Variants in VPS8 observed in about 807,000 individuals in gnomAD.
VPS8 encodes the protein vacuolar protein sorting-associated protein 8 homolog.
A neutral mutation model predicts 216.4 loss-of-function variants in VPS8; 129 were observed. That is an observed-to-expected ratio of 0.60 (90% CI 0.52 to 0.69). The LOEUF is 0.69. VPS8 is among the 30% of genes least tolerant of loss of function. VPS8 has a pLI of 0.00. For missense variants in VPS8, 1,531 were observed against 1,683.5 expected (o/e 0.91, Z 1.59); for synonymous variants, 571 against 565.4 (o/e 1.01, Z -0.14).
chr3:185,001,490 G>A (rs1373075799), intron 45 of VPS8, among the ~76,000 whole-genome samples: 1 of 152,178 alleles, frequency 6.6e-6, no homozygotes, highest in African/African-American at 2.4e-5. Flanking sequence ...TGGGGAGGGG[G>A]ATGAGGAGTG....
At position 184,957,533 on chromosome 3, in the gene VPS8, A is replaced by T. The variant is rs762450827; in HGVS notation, c.3183+12A>T. On this transcript the variant is annotated intron_variant, in intron 37 of 47. Coordinates refer to ENST00000625842, the MANE Select transcript of VPS8 (RefSeq NM_001009921.3). The stretch of plus-strand genomic sequence containing the variant: ...AAGAAACTATTCAGGTGAGACGAAC[A>T]ATGTAAAAGAGACAAGAGTAAACTC... The T allele has an allele frequency of 1.2e-6, 2 of 1,602,198 alleles. No individual in the cohort carries two copies. Among genetic ancestry groups the T allele is most frequent in the Non-Finnish European group, 1.7e-6 (2 of 1,174,936 alleles).
intron 46 of VPS8, among the ~76,000 whole-genome samples, chr3:185,046,644 G>A (rs543171727): frequency 2.0e-5 from 3 of 152,128 alleles, no homozygotes; most frequent in Admixed American, 6.5e-5. Flanking sequence ...CAACACAATC[G>A]CAGTAATTAC....
intron 33 of VPS8, 107 bp downstream of exon 33, chr3:184,929,771 C>G: frequency 6.7e-6 from 4 of 595,454 alleles, no homozygotes; most frequent in Non-Finnish European, 8.2e-6. Flanking sequence ...GAGCCAAATA[C>G]ACATTGATAA....
intron 31 of VPS8, among the ~76,000 whole-genome samples, chr3:184,927,129 TA>T (rs1739807826): frequency 6.6e-6 from 1 of 152,190 alleles, no homozygotes. Flanking sequence ...CATGAGATAG[TA>T]ACTGTTTGAG....
At chr3:185,044,897 G>C (rs1036285404) in intron 46 of VPS8, among the ~76,000 whole-genome samples, 16 of 152,182 alleles carry the variant, frequency 1.1e-4, no homozygotes, top group Non-Finnish European at 4.4e-5. Flanking sequence ...ACTGTGTTGT[G>C]GATGGGAATT....
chr3:184,896,397 C>T (rs1578133368), intron 23 of VPS8, among the ~76,000 whole-genome samples: 1 of 152,144 alleles, frequency 6.6e-6, no homozygotes, highest in East Asian at 1.9e-4. Flanking sequence ...CAAAATGCTC[C>T]CCTCAGTTTC....
intron 30 of VPS8, 103 bp downstream of exon 30, chr3:184,925,084 CT>C: frequency 7.0e-7 from 1 of 1,438,616 alleles, no homozygotes. Flanking sequence ...GGGTAAATAC[CT>C]TATCAAGGAG....
At chr3:184,999,442 C>T (rs543796605) in intron 44 of VPS8, among the ~76,000 whole-genome samples, 1 of 152,284 alleles carries the variant, frequency 6.6e-6, no homozygotes, top group East Asian at 1.9e-4. Context: ...AACTCATCCT[C>T]TAGGTAGTTT....
At chr3:184,917,912 A>C (rs1238165369) in intron 28 of VPS8, among the ~76,000 whole-genome samples, 2 of 152,186 alleles carry the variant, frequency 1.3e-5, no homozygotes, top group African/African-American at 4.8e-5. Flanking sequence ...GTCCAAGATC[A>C]AGGTGCTGGC....
At chr3:185,045,370 G>A (rs761543939) in intron 46 of VPS8, among the ~76,000 whole-genome samples, 3 of 152,176 alleles carry the variant, frequency 2.0e-5, no homozygotes, top group Non-Finnish European at 4.4e-5. Flanking sequence ...GGAAGGCTTC[G>A]TGTCCAGTAT....
Position 184,923,226 on chromosome 3 carries a change from C to G in VPS8, c.2455-1636C>G, listed in dbSNP as rs192043648. 2.0e-5 allele frequency among the ~76,000 whole-genome samples: 3 copies of G among 152,146 alleles called. No homozygotes were observed. In the East Asian group the frequency reaches 5.8e-4, roughly 29 times the overall value. On this transcript the variant is annotated intron_variant, in intron 29 of 47. Coordinates refer to ENST00000625842, the MANE Select transcript of VPS8 (RefSeq NM_001009921.3). ...TACCCTGATTTGTTGTAGAGTTGCC[C>G]CCATGAATTCAGCTCGCCCAAAACA...
At chr3:184,961,262 CA>C (rs1746455300) in intron 37 of VPS8, among the ~76,000 whole-genome samples, 3 of 152,050 alleles carry the variant, frequency 2.0e-5, no homozygotes, top group African/African-American at 7.2e-5. Flanking sequence ...GTATGTTTCC[CA>C]TTTAACATTT....
At chr3:185,008,562 G>A (rs1345436062) in intron 45 of VPS8, among the ~76,000 whole-genome samples, 1 of 152,182 alleles carries the variant, frequency 6.6e-6, no homozygotes, top group Admixed American at 6.5e-5. Flanking sequence ...AATAACATGA[G>A]GGAAACGTAC....
At chr3:184,995,835 G>A (rs1322014837) in intron 43 of VPS8, among the ~76,000 whole-genome samples, 2 of 152,278 alleles carry the variant, frequency 1.3e-5, no homozygotes, top group Non-Finnish European at 2.9e-5. Flanking sequence ...TCTGCCCAAG[G>A]AAGATGAAAA....
chr3:185,048,517 A>G lies in VPS8; in HGVS notation c.4095A>G (p.Gln1365=), dbSNP rs1371548704. ...CTGTTCTGGATCCACAGCAAATCCA[A>G]GCATTTGATCAGCTTTGCCGTCTCT... is the stretch of plus-strand genomic sequence containing the variant. The part of the protein sequence containing the change: ...SEPVLDPQQI[Q]AFDQLCRLYR... The change falls in exon 47 of 48, where the codon CAA becomes CAG. Residue 1365 remains glutamine, a synonymous_variant. Transcript: ENST00000625842. 1.2e-6 allele frequency: 2 copies of G among 1,614,038 alleles called. No homozygotes were observed.
intron 25 of VPS8, among the ~76,000 whole-genome samples, chr3:184,904,207 A>G (rs531921537): frequency 6.6e-6 from 1 of 152,190 alleles, no homozygotes; most frequent in Non-Finnish European, 1.5e-5. Flanking sequence ...TTTCTAATAT[A>G]GATGCCTTTC....
rs1222447524 is a variant in VPS8 at position 184,987,268 on chromosome 3, C to T, written c.3585+4174C>T. The stretch of plus-strand genomic sequence containing the variant: ...GGCTGGGATTACAGGCATACACCAC[C>T]GTGCCCAGCTAATTTTTGTATTTTT... On this transcript the variant is annotated intron_variant, in intron 42 of 47. Coordinates refer to ENST00000625842, the MANE Select transcript of VPS8 (RefSeq NM_001009921.3). 3.9e-5 allele frequency among the ~76,000 whole-genome samples: 6 copies of T among 152,208 alleles called. No individual in the cohort carries two copies. In the East Asian group the frequency reaches 7.7e-4, roughly 20 times the overall value.
intron 7 of VPS8, among the ~76,000 whole-genome samples, chr3:184,842,421 C>T (rs1401809526): frequency 1.3e-5 from 2 of 150,234 alleles, no homozygotes; most frequent in African/African-American, 4.9e-5. Flanking sequence ...TCATTACAGT[C>T]TCATGGAAAA....
chr3:184,854,321 C>A, intron 13 of VPS8, 148 bp downstream of exon 13: 1 of 826,574 alleles, frequency 1.2e-6, no homozygotes, highest in Non-Finnish European at 1.9e-6. Context: ...GCTGGACTTG[C>A]CTTAAGGTGA....
Sources: gnomAD v4.1 joint callset for allele counts (sites outside exome capture counted in the v4.1 genomes callset) on GRCh38, gnomAD v4.1.1 for gene constraint, MANE v1.5 for transcripts, NCBI Gene and HGNC (gene_info 2026-07-23, HGNC 2026-07-21) for gene names.